The following SHISA9 variants were observed in gnomAD, a reference collection of about 807,000 sequenced individuals.
The protein encoded by SHISA9 is protein shisa-9.
SHISA9 carries 13 observed loss-of-function variants against 38.0 expected under a neutral mutation model. The ratio of observed to expected loss-of-function variants is 0.34; its 90% CI spans 0.22 to 0.54. The LOEUF (loss-of-function observed/expected upper bound fraction) is 0.54. Among genes scored for constraint, SHISA9 ranks in the 20% least tolerant of loss-of-function variants. The pLI is 0.91. For synonymous variants in SHISA9, 275 were observed against 242.0 expected (o/e 1.14, Z -1.27); for missense variants, 538 against 575.8 (o/e 0.93, Z 0.67).
chr16:12,938,322 CTT>C (rs1596539197), intron 2 of SHISA9, among the ~76,000 whole-genome samples: 1 of 152,344 alleles, frequency 6.6e-6, no homozygotes, highest in East Asian at 1.9e-4. Flanking sequence ...ATACCTCTCT[CTT>C]TTCTTGCTAG....
At chr16:13,546,534 A>G in the SHISA9 span, among the ~76,000 whole-genome samples, 2 of 152,206 alleles carry the variant, frequency 1.3e-5, no homozygotes, top group South Asian at 2.1e-4. Flanking sequence ...GTAACATTAA[A>G]TGTATACAGA....
At chr16:13,300,542 T>C in the SHISA9 span, among the ~76,000 whole-genome samples, 1 of 152,192 alleles carries the variant, frequency 6.6e-6, no homozygotes, top group Non-Finnish European at 1.5e-5. Flanking sequence ...AGGCCCTTTA[T>C]GACAGAACTG....
At chr16:13,053,682 A>G (rs755181138) in intron 2 of SHISA9, among the ~76,000 whole-genome samples, 8 of 151,590 alleles carry the variant, frequency 5.3e-5, no homozygotes, top group Non-Finnish European at 1.2e-4. Flanking sequence ...AGCCCACTGA[A>G]CTCATTCCTG....
In SHISA9 at chr16:13,235,365, C is replaced by T; in HGVS notation, c.1231C>T (p.Gln411Ter). 6.5e-7 allele frequency: 1 copy of T among 1,541,320 alleles called. No homozygotes were observed. The highest frequency in any genetic ancestry group is 8.7e-7 in the Non-Finnish European group (1 of 1,146,980). The stretch of plus-strand genomic sequence containing the variant: ...TCGCCCCCAGCACTACCCACCCCCA[C>T]AGCCATACTTCATCACCAACAGCAA... ...GTRPQHYPPP[Q>*]PYFITNSKTE... The change falls in exon 5 of 5, where the codon CAG (glutamine) becomes TAG (stop). Residue 411 changes from glutamine to a stop codon, truncating the protein, a stop_gained. Coordinates refer to ENST00000558583, the MANE Select transcript of SHISA9 (RefSeq NM_001145204.3). LOFTEE classifies it high-confidence loss of function.
chr16:12,925,757 A>G (rs772369368), intron 2 of SHISA9, among the ~76,000 whole-genome samples: 5 of 152,214 alleles, frequency 3.3e-5, no homozygotes, highest in African/African-American at 4.8e-5. Context: ...GAGCATTTCT[A>G]TTGGAATATC....
chr16:13,438,742 T>G, the SHISA9 span, among the ~76,000 whole-genome samples: 1 of 152,098 alleles, frequency 6.6e-6, no homozygotes, highest in African/African-American at 2.4e-5. Flanking sequence ...AAGTAAGCAG[T>G]GAAAATTCAT....
At chr16:13,375,728 T>C in the SHISA9 span, among the ~76,000 whole-genome samples, 1 of 152,320 alleles carries the variant, frequency 6.6e-6, no homozygotes, top group East Asian at 1.9e-4. Flanking sequence ...CTAAGACTTG[T>C]ACACTAAACA....
the SHISA9 span, among the ~76,000 whole-genome samples, chr16:13,365,721 A>G: frequency 1.3e-5 from 2 of 152,098 alleles, no homozygotes; most frequent in Non-Finnish European, 2.9e-5. Flanking sequence ...GGCCTCCCAA[A>G]GTGCTGGGAT....
chr16:13,019,674 C>T (rs2072799691), intron 2 of SHISA9, among the ~76,000 whole-genome samples: 1 of 152,020 alleles, frequency 6.6e-6, no homozygotes, highest in East Asian at 1.9e-4. Flanking sequence ...AAACTTGTGT[C>T]ACTGGGGTTT....
chr16:13,399,139 C>T, the SHISA9 span, among the ~76,000 whole-genome samples: 1 of 152,072 alleles, frequency 6.6e-6, no homozygotes, highest in East Asian at 1.9e-4. Context: ...CCTGTGGTCC[C>T]AGCTACTTGG....
intron 2 of SHISA9, among the ~76,000 whole-genome samples, chr16:12,940,797 ACTC>A (rs2071600591): frequency 6.6e-6 from 1 of 151,738 alleles, no homozygotes; most frequent in Non-Finnish European, 1.5e-5. Context: ...GAGGTGCATT[ACTC>A]CTCCTTCCTC....
At chr16:12,998,603 C>T (rs1168753638) in intron 2 of SHISA9, among the ~76,000 whole-genome samples, 1 of 152,172 alleles carries the variant, frequency 6.6e-6, no homozygotes, top group Admixed American at 6.5e-5. Flanking sequence ...GATCGTGGCT[C>T]ATGGAAATCT....
the SHISA9 span, among the ~76,000 whole-genome samples, chr16:13,483,591 CAG>C: frequency 7.2e-5 from 11 of 151,878 alleles, no homozygotes; most frequent in Admixed American, 2.6e-4. Context: ...CCTCAGGAAA[CAG>C]AAGCTCGCTG....
intron 2 of SHISA9, among the ~76,000 whole-genome samples, chr16:12,951,946 A>G (rs1454723397): frequency 6.6e-6 from 1 of 152,222 alleles, no homozygotes; most frequent in Non-Finnish European, 1.5e-5. Flanking sequence ...GAGGAAAGGA[A>G]CATATGCATG....
chr16:13,464,319 C>T, the SHISA9 span, among the ~76,000 whole-genome samples: 5 of 152,112 alleles, frequency 3.3e-5, no homozygotes, highest in Non-Finnish European at 5.9e-5. Flanking sequence ...CACACTTGGT[C>T]GATGCCACCA....
At position 12,997,568 on chromosome 16, in the gene SHISA9, G is replaced by C. The variant is rs536321940; in HGVS notation, c.691+80753G>C. The stretch of plus-strand genomic sequence containing the variant: ...ATTACAGGGACCCACCATCAAACCT[G>C]GCTAATTTTTGTATTTTTGTAGAGA... On this transcript the variant is annotated intron_variant, in intron 2 of 4. Transcript: ENST00000558583. Among the ~76,000 whole-genome samples, 10 of 151,882 alleles carry C rather than the reference G, an allele frequency of 6.6e-5. No individual in the cohort carries two copies. The South Asian group carries it at 2.1e-3, about 32-fold the overall frequency.
At chr16:13,168,395 A>G (rs543075184) in intron 2 of SHISA9, among the ~76,000 whole-genome samples, 56 of 152,300 alleles carry the variant, frequency 3.7e-4, no homozygotes, top group Non-Finnish European at 5.3e-4. Context: ...ATCCAAACCT[A>G]TGGCCTCCAA....
chr16:13,282,616 C>A, the SHISA9 span, among the ~76,000 whole-genome samples: 1 of 151,998 alleles, frequency 6.6e-6, no homozygotes, highest in South Asian at 2.1e-4. Context: ...TTGGAGACTT[C>A]AACTACATGT....
At chr16:13,287,157 A>G in the SHISA9 span, among the ~76,000 whole-genome samples, 4 of 152,306 alleles carry the variant, frequency 2.6e-5, no homozygotes, top group East Asian at 5.8e-4. Flanking sequence ...TAAGATTAAT[A>G]ACATGATCTA....
Sources: allele counts gnomAD v4.1 joint callset (sites outside exome capture counted in the v4.1 genomes callset), GRCh38; gene constraint gnomAD v4.1.1; transcripts MANE v1.5; gene names NCBI Gene and HGNC (gene_info 2026-07-23, HGNC 2026-07-21).